Variants in TTC28 observed in about 807,000 individuals in gnomAD.
The protein encoded by TTC28 is tetratricopeptide repeat protein 28.
In TTC28, 61 loss-of-function variants were observed where a neutral mutation model predicts 198.0. That is an observed-to-expected ratio of 0.31 (90% CI 0.25 to 0.38). The LOEUF (loss-of-function observed/expected upper bound fraction) is 0.38, where lower values mean the gene tolerates loss of function less well. TTC28 is among the 10% of genes least tolerant of loss of function. The pLI, the probability that TTC28 is intolerant of heterozygous loss-of-function variation, is 1.00. For synonymous variants in TTC28, 1,171 were observed against 1,297.8 expected (o/e 0.90, Z 2.10); for missense variants, 2,678 against 3,164.0 (o/e 0.85, Z 3.69).
intron 2 of TTC28, among the ~76,000 whole-genome samples, chr22:28,587,100 T>A (rs1181647729): frequency 1.3e-5 from 2 of 152,162 alleles, no homozygotes; most frequent in Non-Finnish European, 2.9e-5. Flanking sequence ...CGGGCGCCTA[T>A]AGGCCTAGAA....
intron 5 of TTC28, among the ~76,000 whole-genome samples, chr22:28,165,897 A>C (rs948779878): frequency 6.6e-6 from 1 of 152,222 alleles, no homozygotes; most frequent in Non-Finnish European, 1.5e-5. Flanking sequence ...TTGGATAAAG[A>C]GTCAAGACCC....
chr22:28,433,956 T>C (rs562442924), intron 2 of TTC28, among the ~76,000 whole-genome samples: 1 of 152,338 alleles, frequency 6.6e-6, no homozygotes, highest in Non-Finnish European at 1.5e-5. Context: ...CCACAATAAA[T>C]ATTATCTTAT....
chr22:28,610,869 A>C (rs2050807228), intron 2 of TTC28, among the ~76,000 whole-genome samples: 1 of 152,172 alleles, frequency 6.6e-6, no homozygotes, highest in Non-Finnish European at 1.5e-5. Flanking sequence ...AGCTTAGAGA[A>C]GAACATAAAT....
intron 5 of TTC28, among the ~76,000 whole-genome samples, chr22:28,230,409 G>T (rs1471893555): frequency 6.6e-6 from 1 of 152,194 alleles, no homozygotes; most frequent in Non-Finnish European, 1.5e-5. Context: ...AAGAGATCCA[G>T]ATGAGACTTG....
chr22:28,025,352 C>T lies in TTC28; in HGVS notation c.4073+4874G>A, dbSNP rs145051240. 1.4e-4 allele frequency among the ~76,000 whole-genome samples: 21 copies of T among 152,250 alleles called. No homozygotes were observed. The East Asian group carries it at 2.7e-3, about 20-fold the overall frequency. On this transcript the variant is annotated intron_variant, in intron 13 of 22. Transcript: ENST00000397906. ...AGTAACTACTCCATCGGTAAGCAAA[C>T]GTAAAAAGCTCAAGGTCACCTTAAC... is the stretch of plus-strand genomic sequence containing the variant.
intron 6 of TTC28, among the ~76,000 whole-genome samples, chr22:28,160,542 G>C (rs1194133975): frequency 6.6e-6 from 1 of 152,170 alleles, no homozygotes; most frequent in Non-Finnish European, 1.5e-5. Flanking sequence ...AGAGGAGGCA[G>C]AGTAAAAAAG....
Position 28,148,409 on chromosome 22 carries a change from C to A in TTC28, c.1441+14683G>T, listed in dbSNP as rs903876358. 4.6e-5 allele frequency among the ~76,000 whole-genome samples: 7 copies of A among 152,226 alleles called. No homozygotes were observed. The Middle Eastern group carries it at 0.01, about 222-fold the overall frequency. On this transcript the variant is annotated intron_variant, in intron 6 of 22. Transcript: ENST00000397906. The stretch of plus-strand genomic sequence containing the variant: ...CAGGCAGATCACGAAGTCAGGAGAT[C>A]GAGACCATCCTGGCTAACATGGTGA...
intron 2 of TTC28, among the ~76,000 whole-genome samples, chr22:28,542,585 AAAAT>A (rs2049439360): frequency 6.6e-6 from 1 of 152,096 alleles, no homozygotes; most frequent in African/African-American, 2.4e-5. Flanking sequence ...AACATAATTA[AAAAT>A]AAATAATTTA....
At chr22:28,499,361 T>C (rs1441134070) in intron 2 of TTC28, among the ~76,000 whole-genome samples, 3 of 152,148 alleles carry the variant, frequency 2.0e-5, no homozygotes, top group Non-Finnish European at 4.4e-5. Context: ...TATGAAAAAG[T>C]AAGAATTATC....
chr22:28,646,780 A>G (rs1031157885), intron 1 of TTC28, among the ~76,000 whole-genome samples: 3 of 152,178 alleles, frequency 2.0e-5, no homozygotes, highest in Non-Finnish European at 2.9e-5. Context: ...CATGAGAATC[A>G]CTTGAAACAG....
In TTC28 at chr22:27,989,273, A is replaced by G. The variant is rs116030883; in HGVS notation, c.5707+605T>C. Among the ~76,000 whole-genome samples the G allele has an allele frequency of 3.2e-3, 488 of 152,328 alleles. 4 individuals are homozygous for G. The highest frequency in any genetic ancestry group is 0.022 in the South Asian group (108 of 4,828). On this transcript the variant is annotated intron_variant, in intron 21 of 22. Coordinates refer to ENST00000397906, the MANE Select transcript of TTC28 (RefSeq NM_001145418.2). ...CCATGGTCTCTCAGAGGTGGTTTCA[A>G]TAGTACTGTTTTCCTGCCAGTTTTG...
At chr22:28,484,467 T>C (rs2146329837) in intron 2 of TTC28, among the ~76,000 whole-genome samples, 1 of 152,292 alleles carries the variant, frequency 6.6e-6, no homozygotes, top group Middle Eastern at 3.4e-3. Context: ...TCAAATTTAT[T>C]TGTACAAACA....
chr22:28,147,996 C>A (rs1943508853), intron 6 of TTC28, among the ~76,000 whole-genome samples: 1 of 152,138 alleles, frequency 6.6e-6, no homozygotes, highest in Non-Finnish European at 1.5e-5. Context: ...AGTGTGATAT[C>A]CTAGTGATTT....
At chr22:28,064,055 T>A (rs1163016057) in intron 12 of TTC28, among the ~76,000 whole-genome samples, 4 of 152,212 alleles carry the variant, frequency 2.6e-5, no homozygotes, top group Non-Finnish European at 5.9e-5. Context: ...GTCCTTTTTT[T>A]AACCCCATAT....
intron 2 of TTC28, among the ~76,000 whole-genome samples, chr22:28,494,940 C>T (rs936558185): frequency 2.0e-5 from 3 of 151,142 alleles, no homozygotes; most frequent in African/African-American, 4.9e-5. Flanking sequence ...AAAAAAGGAA[C>T]AATCAAAGAG....
At chr22:28,401,271 T>C (rs557666660) in intron 2 of TTC28, among the ~76,000 whole-genome samples, 1 of 152,226 alleles carries the variant, frequency 6.6e-6, no homozygotes, top group Non-Finnish European at 1.5e-5. Context: ...TTCTTCCAGC[T>C]GAACTATTTT....
intron 2 of TTC28, among the ~76,000 whole-genome samples, chr22:28,335,665 T>C (rs757609178): frequency 6.6e-6 from 1 of 152,204 alleles, no homozygotes; most frequent in Non-Finnish European, 1.5e-5. Context: ...ATAAGAATGC[T>C]TGTGATTTTT....
rs1392052871 is a variant in TTC28, at chr22:28,241,541, CA to C, written c.933+54656del. On this transcript the variant is annotated intron_variant, in intron 5 of 22. Coordinates refer to ENST00000397906, the MANE Select transcript of TTC28 (RefSeq NM_001145418.2). ...AGAATACCCTTATTCTCAATAAATA[CA>C]AATTTAAGTATTTCGGGGCAAAAGG... is the stretch of plus-strand genomic sequence containing the variant. Among the ~76,000 whole-genome samples the C allele has an allele frequency of 1.6e-4, 24 of 152,032 alleles. 1 individual carries two copies. Among genetic ancestry groups the C allele is most frequent in the African/African-American group, 5.3e-4 (22 of 41,476 alleles).
At chr22:28,636,412 T>A (rs572166191) in intron 1 of TTC28, among the ~76,000 whole-genome samples, 9 of 152,084 alleles carry the variant, frequency 5.9e-5, no homozygotes, top group African/African-American at 2.2e-4. Context: ...CAGGCTGGAT[T>A]TCCTTAAGGT....
Sources: allele counts gnomAD v4.1 joint callset (sites outside exome capture counted in the v4.1 genomes callset), GRCh38; gene constraint gnomAD v4.1.1; transcripts MANE v1.5; gene names NCBI Gene and HGNC (gene_info 2026-07-23, HGNC 2026-07-21).